TRIM44: variants seen among roughly 807,000 people sequenced by gnomAD.
The protein encoded by TRIM44 is tripartite motif-containing protein 44.
A neutral mutation model predicts 37.4 loss-of-function variants in TRIM44; 13 were observed. The ratio of observed to expected loss-of-function variants is 0.35; its 90% confidence interval spans 0.23 to 0.55. The LOEUF is 0.55. TRIM44 is among the 20% of genes least tolerant of loss of function. TRIM44 has a pLI of 0.89. For missense variants in TRIM44, 426 were observed against 437.2 expected (o/e 0.97, Z 0.23); for synonymous variants, 175 against 157.2 (o/e 1.11, Z -0.85).
intron 4 of TRIM44, among the ~76,000 whole-genome samples, chr11:35,786,807 T>C (rs1853136715): frequency 6.6e-6 from 1 of 152,100 alleles, no homozygotes; most frequent in South Asian, 2.1e-4. Context: ...CACCATGAAG[T>C]GTTTTGGCTG....
rs191048752 is a variant in TRIM44, at chr11:35,796,919, C to T, written c.1008-9439C>T. On this transcript the variant is annotated intron_variant, in intron 4 of 4. Transcript: ENST00000299413. Reference sequence around the variant, plus strand: ...CCCTGCAGACACTTTGAAATTGCCCCGTTATTGGCAAGGGTGTGGGGAAAA... The same window carrying T: ...CCCTGCAGACACTTTGAAATTGCCCTGTTATTGGCAAGGGTGTGGGGAAAA... Among the ~76,000 whole-genome samples, 312 of 152,248 alleles carry T rather than the reference C, an allele frequency of 2.0e-3. 1 individual carries two copies. Among genetic ancestry groups the T allele is most frequent in the African/African-American group, 7.0e-3 (292 of 41,552 alleles).
chr11:35,814,064 G>C lies in TRIM44; in HGVS notation c.*7679G>C, dbSNP rs914876164. 1.1e-4 allele frequency: 16 copies of C among 152,158 alleles called. No homozygotes were observed. Among genetic ancestry groups the C allele is most frequent in the African/African-American group, 3.9e-4 (16 of 41,430 alleles). 9.4% of individuals were successfully genotyped at this position (152,158 alleles called of 1,614,324 possible). ...TACTGCTACCATAAAAGTCACTTAA[G>C]CATCCCTGTTAGTTCTAAGCCCCTG... On this transcript the variant is annotated 3_prime_UTR_variant, in exon 5 of 5. Coordinates refer to ENST00000299413, the MANE Select transcript of TRIM44 (RefSeq NM_017583.6).
At chr11:35,691,319 A>G (rs1851634039) in intron 2 of TRIM44, among the ~76,000 whole-genome samples, 1 of 152,032 alleles carries the variant, frequency 6.6e-6, no homozygotes, top group African/African-American at 2.4e-5. Flanking sequence ...AAAAGGAGAA[A>G]CAAGCTCTTT....
intron 2 of TRIM44, among the ~76,000 whole-genome samples, chr11:35,704,074 T>C (rs529426736): frequency 6.6e-6 from 1 of 152,116 alleles, no homozygotes; most frequent in Non-Finnish European, 1.5e-5. Flanking sequence ...AAGGAGCTGA[T>C]GGAGCTGAAA....
intron 1 of TRIM44, among the ~76,000 whole-genome samples, chr11:35,666,320 T>A (rs555180409): frequency 4.6e-5 from 7 of 152,322 alleles, no homozygotes; most frequent in African/African-American, 1.7e-4. Flanking sequence ...TCTTAATATC[T>A]GGTAAAGCAG....
In TRIM44 at chr11:35,814,303, A is replaced by G. The variant is rs570497487; in HGVS notation, c.*7918A>G. On this transcript the variant is annotated 3_prime_UTR_variant, in exon 5 of 5. Transcript: ENST00000299413. ...TTGTGGTTGGTGGTTTCTAGAAGAA[A>G]TAATTCAGAAGCAAAAGACACATGA... The G allele has an allele frequency of 1.3e-5, 2 of 152,350 alleles. No homozygotes were observed. Among genetic ancestry groups the G allele is most frequent in the African/African-American group, 4.8e-5 (2 of 41,574 alleles). The allele number at this position is 152,350 out of a possible 1,614,324, so 9.4% of individuals were successfully genotyped here. A position where few individuals can be genotyped will look rare whatever the true frequency, so the allele number is the denominator to read the frequency against.
intron 4 of TRIM44, among the ~76,000 whole-genome samples, chr11:35,742,058 C>G (rs1852404040): frequency 6.6e-6 from 1 of 152,082 alleles, no homozygotes; most frequent in African/African-American, 2.4e-5. Context: ...AGCCTCCCAC[C>G]CCCATCAGCG....
intron 4 of TRIM44, among the ~76,000 whole-genome samples, chr11:35,767,943 T>C (rs1852818790): frequency 1.3e-5 from 2 of 152,228 alleles, no homozygotes; most frequent in African/African-American, 4.8e-5. Flanking sequence ...GTGGAAATTT[T>C]AATCAGAAGG....
chr11:35,775,341 G>A (rs1409579804), intron 4 of TRIM44, among the ~76,000 whole-genome samples: 2 of 152,228 alleles, frequency 1.3e-5, no homozygotes, highest in African/African-American at 4.8e-5. Flanking sequence ...CTTTGCTGAA[G>A]TTGCTTATCA....
intron 2 of TRIM44, among the ~76,000 whole-genome samples, chr11:35,725,629 C>T (rs1852164938): frequency 6.6e-6 from 1 of 152,106 alleles, no homozygotes; most frequent in South Asian, 2.1e-4. Context: ...AGCCACCACG[C>T]CCGGCCTCAT....
chr11:35,773,484 T>A (rs1400849761), intron 4 of TRIM44, among the ~76,000 whole-genome samples: 1 of 152,138 alleles, frequency 6.6e-6, no homozygotes, highest in Non-Finnish European at 1.5e-5. Flanking sequence ...CTTTTTTAAT[T>A]ATTATACTTT....
At position 35,816,386 on chromosome 11, in the gene TRIM44, C is replaced by G. The variant is rs1853580515; in HGVS notation, c.*10001C>G. 4 of 152,180 alleles carry G rather than the reference C, an allele frequency of 2.6e-5. No individual in the cohort carries two copies. The highest frequency in any genetic ancestry group is 2.6e-4 in the Admixed American group (4 of 15,272). The allele number at this position is 152,180 out of a possible 1,614,324, so 9.4% of individuals were successfully genotyped here. On this transcript the variant is annotated 3_prime_UTR_variant, in exon 5 of 5. Transcript: ENST00000299413. Reference sequence around the variant, plus strand: ...CTTCAAAAAGAGTATTTAGATCCCCCCTGGGAAGGAACAGAATGGAAAAAC... The same window carrying G: ...CTTCAAAAAGAGTATTTAGATCCCCGCTGGGAAGGAACAGAATGGAAAAAC...
At chr11:35,676,000 T>C (rs1851455764) in intron 1 of TRIM44, among the ~76,000 whole-genome samples, 1 of 152,052 alleles carries the variant, frequency 6.6e-6, no homozygotes. Flanking sequence ...TAAGGAAAAA[T>C]GGGAGAAGAA....
In TRIM44 at chr11:35,809,886, C is replaced by T. The variant is rs1590617822; in HGVS notation, c.*3501C>T. The T allele has an allele frequency of 6.6e-6, 1 of 152,036 alleles. No individual in the cohort carries two copies. The highest frequency in any genetic ancestry group is 2.4e-5 in the African/African-American group (1 of 41,388). 9.4% of individuals were successfully genotyped at this position (152,036 alleles called of 1,614,324 possible). On this transcript the variant is annotated 3_prime_UTR_variant, in exon 5 of 5. Coordinates refer to ENST00000299413, the MANE Select transcript of TRIM44 (RefSeq NM_017583.6). ...GTATATACATACATACATGTCCGCA[C>T]ACACACACACAATATTTGAGAGCTA...
At chr11:35,776,197 A>G (rs1013413162) in intron 4 of TRIM44, among the ~76,000 whole-genome samples, 1 of 152,108 alleles carries the variant, frequency 6.6e-6, no homozygotes, top group African/African-American at 2.4e-5. Context: ...GGGAGGGTGT[A>G]TGTGTCCAGG....
intron 1 of TRIM44, among the ~76,000 whole-genome samples, chr11:35,669,397 T>C (rs1851366227): frequency 6.6e-6 from 1 of 152,158 alleles, no homozygotes; most frequent in African/African-American, 2.4e-5. Context: ...GCTTTTACTC[T>C]GAGATTTTTA....
intron 4 of TRIM44, among the ~76,000 whole-genome samples, chr11:35,794,519 A>C (rs1356858743): frequency 6.6e-6 from 1 of 152,236 alleles, no homozygotes; most frequent in African/African-American, 2.4e-5. Flanking sequence ...GGGCCACGCC[A>C]TCCTTTACTC....
intron 2 of TRIM44, among the ~76,000 whole-genome samples, chr11:35,711,471 T>G (rs1356747352): frequency 1.3e-5 from 2 of 150,672 alleles, no homozygotes; most frequent in South Asian, 2.1e-4. Context: ...ATTTTTTGTT[T>G]TTTTTTTTTT....
intron 4 of TRIM44, among the ~76,000 whole-genome samples, chr11:35,754,634 T>G (rs1428681331): frequency 6.6e-6 from 1 of 151,798 alleles, no homozygotes; most frequent in Non-Finnish European, 1.5e-5. Context: ...TAGGTATATC[T>G]CCTAATGCTA....
Sources: allele counts gnomAD v4.1 joint callset (sites outside exome capture counted in the v4.1 genomes callset), GRCh38; gene constraint gnomAD v4.1.1; transcripts MANE v1.5; gene names NCBI Gene and HGNC (gene_info 2026-07-23, HGNC 2026-07-21).